The following LIPC variants were observed in gnomAD, a reference collection of about 807,000 sequenced individuals.
LIPC encodes the protein lipase C, hepatic type.
LIPC carries 44 observed loss-of-function variants against 50.7 expected under a neutral mutation model. The observed-to-expected ratio is 0.87, with a 90% confidence interval of 0.68 to 1.11. The LOEUF is 1.11. Among genes scored for constraint, LIPC ranks in the 50% most tolerant of loss-of-function variants. The pLI is 0.00. For synonymous variants in LIPC, 271 were observed against 256.4 expected (o/e 1.06, Z -0.54); for missense variants, 697 against 648.2 (o/e 1.08, Z -0.82).
intron 1 of LIPC, among the ~76,000 whole-genome samples, chr15:58,471,910 G>A (rs1177200736): frequency 1.3e-5 from 2 of 152,062 alleles, no homozygotes; most frequent in Admixed American, 6.5e-5. Context: ...TGAGGGCAGG[G>A]GACATAGCTC....
At chr15:58,475,590 T>C (rs1890966274) in intron 1 of LIPC, among the ~76,000 whole-genome samples, 1 of 152,136 alleles carries the variant, frequency 6.6e-6, no homozygotes, top group Non-Finnish European at 1.5e-5. Context: ...ACCCCACCAC[T>C]TACCCCTGTG....
intron 1 of LIPC, chr15:58,494,727 A>G: frequency 2.2e-6 from 1 of 454,508 alleles, no homozygotes; most frequent in South Asian, 1.6e-5. Flanking sequence ...CTTGGGTGGG[A>G]TCTCTTTAAT....
chr15:58,548,356 C>T lies in LIPC; in HGVS notation c.835C>T (p.His279Tyr). The change falls in exon 6 of 9, where the codon CAC (histidine) becomes TAC (tyrosine). Residue 279 changes from histidine to tyrosine, a missense_variant. Transcript: ENST00000299022. ...CATCACCCAGACCATAAAATGCTCC[C>T]ACGAGCGATCGGTGCACCTTTTCAT... ...NAITQTIKCS[H>Y]ERSVHLFIDS... The T allele has an allele frequency of 6.2e-7, 1 of 1,614,144 alleles. No individual in the cohort carries two copies.
rs1176162797 is a variant in LIPC at position 58,436,298 on chromosome 15, C to G, written c.88+4178C>G. Reference sequence around the variant, plus strand: ...GCGTAGTGGTTGTACAAACAAAAAACCAGAACTTGAATTATTTCAATTCTC... The same window carrying G: ...GCGTAGTGGTTGTACAAACAAAAAAGCAGAACTTGAATTATTTCAATTCTC... On this transcript the variant is annotated intron_variant, in intron 1 of 8. Coordinates refer to ENST00000299022, the MANE Select transcript of LIPC (RefSeq NM_000236.3). 1.8e-5 allele frequency: 3 copies of G among 162,234 alleles called. No individual in the cohort carries two copies. In the East Asian group the frequency reaches 5.5e-4, roughly 30 times the overall value. The allele number at this position is 162,234 out of a possible 1,614,324, so 10.0% of individuals were successfully genotyped here.
At chr15:58,507,271 T>C (rs1892182470) in intron 1 of LIPC, among the ~76,000 whole-genome samples, 1 of 152,158 alleles carries the variant, frequency 6.6e-6, no homozygotes, top group East Asian at 1.9e-4. Flanking sequence ...AAATATACTT[T>C]TCTTTTTGCT....
chr15:58,436,559 T>C, intron 1 of LIPC: 1 of 289,634 alleles, frequency 3.5e-6, no homozygotes, highest in Non-Finnish European at 6.9e-6. Flanking sequence ...ATTGCTGATT[T>C]TTACATAAAT....
In LIPC at chr15:58,567,200, C is replaced by CAAAAA. The variant is rs780744817; in HGVS notation, c.1389-1512_1389-1508dup. 5.8e-4 allele frequency among the ~76,000 whole-genome samples: 51 copies of CAAAAA among 88,604 alleles called. 4 individuals carry two copies. Among genetic ancestry groups the CAAAAA allele is most frequent in the African/African-American group, 9.2e-4 (22 of 23,882 alleles). The allele number at this position is 88,604 out of a possible 152,430, so 58.1% of individuals were successfully genotyped here. ...CTGGCGACAGAGCGAGACTCCGTCTCAAAAAAAATAAAAAATATATATATA... is the reference window on the plus strand; with the variant it reads ...CTGGCGACAGAGCGAGACTCCGTCTCAAAAAAAAAAAAATAAAAAATATATATATA... On this transcript the variant is annotated intron_variant, in intron 8 of 8. Coordinates refer to ENST00000299022, the MANE Select transcript of LIPC (RefSeq NM_000236.3).
intron 6 of LIPC, among the ~76,000 whole-genome samples, chr15:58,550,506 G>C (rs1893710912): frequency 6.6e-6 from 1 of 152,130 alleles, no homozygotes; most frequent in Non-Finnish European, 1.5e-5. Context: ...TTGTTATTAA[G>C]GAAGACCAAA....
intron 1 of LIPC, among the ~76,000 whole-genome samples, chr15:58,450,176 C>T (rs1485828244): frequency 1.3e-5 from 2 of 152,174 alleles, no homozygotes; most frequent in East Asian, 1.9e-4. Context: ...TGGTCTTTCG[C>T]GTTTCTGAGC....
chr15:58,492,257 G>A (rs1250807044), intron 1 of LIPC, among the ~76,000 whole-genome samples: 8 of 152,138 alleles, frequency 5.3e-5, no homozygotes, highest in African/African-American at 1.9e-4. Context: ...CAGGCAAGTG[G>A]AAGAAACCTA....
At chr15:58,455,077 C>T (rs1163494465) in intron 1 of LIPC, 2 of 152,220 alleles carry the variant, frequency 1.3e-5, no homozygotes, top group African/African-American at 4.8e-5. Flanking sequence ...TTCCCAACTC[C>T]GTTATCAGTA....
chr15:58,490,561 C>A (rs1457908824), intron 1 of LIPC, among the ~76,000 whole-genome samples: 1 of 152,206 alleles, frequency 6.6e-6, no homozygotes, highest in African/African-American at 2.4e-5. Context: ...CCTTCCAAAT[C>A]TGGCCCGTCA....
chr15:58,546,601 T>C (rs565689733), intron 5 of LIPC, among the ~76,000 whole-genome samples: 19 of 152,300 alleles, frequency 1.2e-4, no homozygotes, highest in Middle Eastern at 3.4e-3. Context: ...ACATGCACAT[T>C]GATAATATGC....
chr15:58,518,975 T>C (rs1441588566), intron 1 of LIPC, among the ~76,000 whole-genome samples: 1 of 151,382 alleles, frequency 6.6e-6, no homozygotes, highest in African/African-American at 2.4e-5. Context: ...AAGAAAAGAA[T>C]GTTGACTCTA....
intron 1 of LIPC, among the ~76,000 whole-genome samples, chr15:58,437,944 C>T (rs146979424): frequency 1.6e-4 from 25 of 152,254 alleles, no homozygotes; most frequent in African/African-American, 5.5e-4. Context: ...CCTGGAGAGA[C>T]GGGGGACAGC....
At chr15:58,466,207 G>A (rs12148704) in intron 1 of LIPC, among the ~76,000 whole-genome samples, 55,197 of 152,120 alleles carry the variant, frequency 0.36, 11,493 homozygotes, top group South Asian at 0.5. Context: ...AATGCGATGG[G>A]ACGTGCTGAG....
intron 1 of LIPC, among the ~76,000 whole-genome samples, chr15:58,502,377 G>A (rs1400818830): frequency 6.6e-6 from 1 of 152,102 alleles, no homozygotes; most frequent in Non-Finnish European, 1.5e-5. Context: ...CTGCCATCCC[G>A]AGTTTTACCT....
At chr15:58,496,566 A>T (rs911294860) in intron 1 of LIPC, among the ~76,000 whole-genome samples, 2 of 152,134 alleles carry the variant, frequency 1.3e-5, no homozygotes, top group Non-Finnish European at 2.9e-5. Flanking sequence ...CCAACACTAT[A>T]AATCAAGACC....
intron 1 of LIPC, among the ~76,000 whole-genome samples, chr15:58,516,841 T>C (rs771686472): frequency 2.0e-5 from 3 of 152,252 alleles, no homozygotes; most frequent in Non-Finnish European, 4.4e-5. Context: ...TTCTCTTCAT[T>C]ATGGGTTGTA....
Sources: gnomAD v4.1 joint callset for allele counts (sites outside exome capture counted in the v4.1 genomes callset) on GRCh38, gnomAD v4.1.1 for gene constraint, MANE v1.5 for transcripts, NCBI Gene and HGNC (gene_info 2026-07-23, HGNC 2026-07-21) for gene names.